Variants in WNT11 observed in about 807,000 individuals in gnomAD.
The protein encoded by WNT11 is Wnt family member 11.
WNT11 carries 20 observed loss-of-function variants against 35.6 expected under a neutral mutation model. That is an observed-to-expected ratio of 0.56 (90% confidence interval 0.40 to 0.82). The LOEUF (loss-of-function observed/expected upper bound fraction) is 0.82, where lower values mean the gene tolerates loss of function less well. WNT11 is among the 40% of genes least tolerant of loss of function. WNT11 has a pLI of 0.00. For synonymous variants in WNT11, 200 were observed against 211.9 expected (o/e 0.94, Z 0.49); for missense variants, 459 against 504.4 (o/e 0.91, Z 0.86).
In WNT11 at chr11:76,206,502, C is replaced by A. The variant is rs1045639304; in HGVS notation, c.-95G>T. On this transcript the variant is annotated 5_prime_UTR_variant, in exon 1 of 5. Transcript: ENST00000322563. ...CGCCGCTGGTCCTGCACGCCGCCTG[C>A]AGCCGGGGAGAGCGGAGGCGGCGGG... is the stretch of plus-strand genomic sequence containing the variant. The A allele has an allele frequency of 5.0e-4, 627 of 1,250,326 alleles. No individual in the cohort carries two copies. Among genetic ancestry groups the A allele is most frequent in the Non-Finnish European group, 6.2e-4 (616 of 997,764 alleles). 77.5% of individuals were successfully genotyped at this position (1,250,326 alleles called of 1,614,324 possible). A position where few individuals can be genotyped will look rare whatever the true frequency, so the allele number is the denominator to read the frequency against.
intron 1 of WNT11, among the ~76,000 whole-genome samples, chr11:76,199,982 G>T (rs1953349628): frequency 6.6e-6 from 1 of 152,096 alleles, no homozygotes. Flanking sequence ...ACCTCTCAGG[G>T]TCCTGCCAAG....
At position 76,190,545 on chromosome 11, in the gene WNT11, G is replaced by A. The variant is rs570575725; in HGVS notation, c.890+1019C>T. Among the ~76,000 whole-genome samples the A allele has an allele frequency of 2.0e-5, 3 of 152,250 alleles. No homozygotes were observed. In the South Asian group the frequency reaches 6.2e-4, roughly 32 times the overall value. On this transcript the variant is annotated intron_variant, in intron 4 of 4. Transcript: ENST00000322563. Reference sequence around the variant, plus strand: ...TCCTGGAGACAGGAACGTGGGCTGCGGAGGAAGTCAACGCTGGCTGTGCAC... The same window carrying A: ...TCCTGGAGACAGGAACGTGGGCTGCAGAGGAAGTCAACGCTGGCTGTGCAC...
chr11:76,190,326 T>C (rs1953164520), intron 4 of WNT11, among the ~76,000 whole-genome samples: 1 of 151,992 alleles, frequency 6.6e-6, no homozygotes, highest in Admixed American at 6.6e-5. Context: ...TGTTCTAGAA[T>C]CCTCCTCTAA....
chr11:76,202,304 C>T (rs1023212621), intron 1 of WNT11, among the ~76,000 whole-genome samples: 7 of 152,158 alleles, frequency 4.6e-5, no homozygotes, highest in African/African-American at 7.2e-5. Flanking sequence ...ATGAGGGCTG[C>T]GGGCTGGCTT....
rs1953099830 is a variant in WNT11, at chr11:76,186,744, GC to G, written c.*320del. The G allele has an allele frequency of 2.2e-6, 1 of 450,040 alleles. No homozygotes were observed. The allele number at this position is 450,040 out of a possible 1,614,324, so 27.9% of individuals were successfully genotyped here. ...CCCTTCCCGGAGGCTGGTCTCTGTG[GC>G]CCTGAAAGGTCAAGTCTGTATCAGT... On this transcript the variant is annotated 3_prime_UTR_variant, in exon 5 of 5. Transcript: ENST00000322563.
intron 4 of WNT11, among the ~76,000 whole-genome samples, chr11:76,191,323 C>G (rs1011769410): frequency 6.6e-6 from 1 of 152,230 alleles, no homozygotes; most frequent in African/African-American, 2.4e-5. Context: ...GGCCCCCCAT[C>G]AGCCTACATT....
intron 1 of WNT11, 42 bp downstream of exon 1, chr11:76,206,283 C>A (rs753961127): frequency 7.1e-7 from 1 of 1,404,576 alleles, no homozygotes; most frequent in Non-Finnish European, 9.4e-7. Context: ...TCCGCCGCCC[C>A]AGTCCCTGGC....
chr11:76,190,280 C>T (rs1447689629), intron 4 of WNT11, among the ~76,000 whole-genome samples: 1 of 152,148 alleles, frequency 6.6e-6, no homozygotes, highest in African/African-American at 2.4e-5. Context: ...CCTTTCTTCA[C>T]TCTCGGGTCC....
At chr11:76,201,305 C>T (rs1204100917) in intron 1 of WNT11, among the ~76,000 whole-genome samples, 2 of 152,238 alleles carry the variant, frequency 1.3e-5, no homozygotes, top group Non-Finnish European at 2.9e-5. Flanking sequence ...GGGAGGCCAC[C>T]CGCCCACAGG....
upstream of WNT11, chr11:76,210,206 G>C (rs551805367): frequency 3.9e-4 from 64 of 163,658 alleles, no homozygotes; most frequent in Non-Finnish European, 7.1e-4. Context: ...TTCGAGGAGG[G>C]CCGCAGGAAC....
At chr11:76,196,745 G>A (rs927620206) in intron 1 of WNT11, 27 bp from the exon 2 acceptor site, 8 of 1,554,266 alleles carry the variant, frequency 5.1e-6, no homozygotes, top group East Asian at 2.4e-5. Flanking sequence ...GGCCATGACC[G>A]ATGGAAGGAG....
rs1445485631 is a variant in WNT11, at chr11:76,194,275, G to A, written c.597+292C>T. ...ACTGACTTTCCCAAAGTCCCTAAGC[G>A]AGTTTAGTGCCAGAGCCAAGGCCAG... On this transcript the variant is annotated intron_variant, in intron 3 of 4. Coordinates refer to ENST00000322563, the MANE Select transcript of WNT11 (RefSeq NM_004626.3). This position sits in a 1 kb window ranked among gnomAD's most constrained non-coding sequence, Gnocchi z 5.4. Among the ~76,000 whole-genome samples the A allele has an allele frequency of 6.6e-6, 1 of 152,016 alleles. No individual in the cohort carries two copies. Among genetic ancestry groups the A allele is most frequent in the Non-Finnish European group, 1.5e-5 (1 of 68,032 alleles).
chr11:76,199,304 G>A (rs929000965), intron 1 of WNT11, among the ~76,000 whole-genome samples: 4 of 152,094 alleles, frequency 2.6e-5, no homozygotes, highest in African/African-American at 7.2e-5. Flanking sequence ...GGGCAACATA[G>A]TGAGAGCCGT....
At chr11:76,204,172 G>A (rs896006072) in intron 1 of WNT11, among the ~76,000 whole-genome samples, 2 of 152,136 alleles carry the variant, frequency 1.3e-5, no homozygotes, top group Non-Finnish European at 2.9e-5. Context: ...GCCTACACAC[G>A]TGTATCTATA....
chr11:76,189,543 G>A (rs919695319), intron 4 of WNT11, among the ~76,000 whole-genome samples: 2 of 152,174 alleles, frequency 1.3e-5, no homozygotes, highest in Admixed American at 6.5e-5. Flanking sequence ...GGCATCTTCC[G>A]CAGAGAGGGA....
Position 76,194,825 on chromosome 11 carries a change from G to A in WNT11, c.339C>T (p.Phe113=), listed in dbSNP as rs375385565. 275 of 1,527,612 alleles carry A rather than the reference G, an allele frequency of 1.8e-4. 1 individual carries two copies. In the African/African-American group the frequency reaches 3.3e-3, roughly 18 times the overall value. The allele number at this position is 1,527,612 out of a possible 1,614,324, so 94.6% of individuals were successfully genotyped here. A position where few individuals can be genotyped will look rare whatever the true frequency, so the allele number is the denominator to read the frequency against. ...TGGCGGCGGCCGACAGCGCATACAC[G>A]AAGGCCGACTCCCGGGTCCCTGAGG... ...DLERGTRESA[F]VYALSAAAIS... Residue 113 remains phenylalanine (F), a synonymous_variant, in exon 3 of 5, where the codon TTC becomes TTT. Coordinates refer to ENST00000322563, the MANE Select transcript of WNT11 (RefSeq NM_004626.3). This position sits in a 1 kb window ranked among gnomAD's most constrained non-coding sequence, Gnocchi z 5.4.
chr11:76,198,452 C>G (rs1953321782), intron 1 of WNT11, among the ~76,000 whole-genome samples: 1 of 152,218 alleles, frequency 6.6e-6, no homozygotes, highest in Non-Finnish European at 1.5e-5. Flanking sequence ...GCCTCCCATC[C>G]TCATCCTGAC....
chr11:76,203,451 G>A (rs992807612), intron 1 of WNT11, among the ~76,000 whole-genome samples: 3 of 152,252 alleles, frequency 2.0e-5, no homozygotes, highest in East Asian at 1.9e-4. Context: ...TCACCCCACC[G>A]CTTCCGTGGT....
At chr11:76,201,750 C>T (rs1356914520) in intron 1 of WNT11, among the ~76,000 whole-genome samples, 2 of 152,182 alleles carry the variant, frequency 1.3e-5, no homozygotes, top group Admixed American at 1.3e-4. Flanking sequence ...GCCCCTTGCT[C>T]CACCTCAATT....
Sources: gnomAD v4.1 joint callset for allele counts (sites outside exome capture counted in the v4.1 genomes callset) on GRCh38, gnomAD v4.1.1 for gene constraint, Gnocchi (gnomAD v3.1) non-coding constraint, MANE v1.5 for transcripts, NCBI Gene and HGNC (gene_info 2026-07-23, HGNC 2026-07-21) for gene names.